The following CNKSR2 variants were observed in gnomAD, a reference collection of about 807,000 sequenced individuals.
The protein encoded by CNKSR2 is CNK homolog protein 2.
CNKSR2 carries 14 observed loss-of-function variants against 84.4 expected under a neutral mutation model. The ratio of observed to expected loss-of-function variants is 0.17; its 90% confidence interval spans 0.11 to 0.26. The LOEUF is 0.26. Ranked by LOEUF, CNKSR2 falls within the 10% of genes least tolerant of loss-of-function variation. The probability of loss-of-function intolerance (pLI) is 1.00; values close to 1 mark genes in which losing one functional copy is unlikely to be tolerated. For missense variants in CNKSR2, 485 were observed against 771.2 expected (o/e 0.63, Z 4.40); for synonymous variants, 275 against 277.9 (o/e 0.99, Z 0.10).
intron 20 of CNKSR2, among the ~76,000 whole-genome samples, chrX:21,612,208 G>A (rs1225119144): frequency 8.9e-6 from 1 of 112,210 alleles, no homozygotes; most frequent in African/African-American, 3.2e-5. Flanking sequence ...ACCATTAGGA[G>A]TAAGTACTCA....
At chrX:21,513,710 C>A (rs1311431397) in intron 8 of CNKSR2, among the ~76,000 whole-genome samples, 2 of 111,260 alleles carry the variant, frequency 1.8e-5, no homozygotes, top group Non-Finnish European at 3.8e-5. Context: ...AATTTATATT[C>A]TCTCTTGTCA....
chrX:21,514,016 C>T (rs2147091967), intron 8 of CNKSR2, among the ~76,000 whole-genome samples: 1 of 111,763 alleles, frequency 8.9e-6, no homozygotes, highest in African/African-American at 3.2e-5. Flanking sequence ...TATTGCAAGT[C>T]CTTACTCCCT....
At chrX:21,545,155 A>G (rs1407383024) in intron 11 of CNKSR2, among the ~76,000 whole-genome samples, 5 of 111,886 alleles carry the variant, frequency 4.5e-5, no homozygotes, top group Admixed American at 3.8e-4. Context: ...TCTCACTGCC[A>G]GCACGGCAGT....
At chrX:21,444,673 C>T (rs1444476790) in intron 4 of CNKSR2, among the ~76,000 whole-genome samples, 1 of 109,045 alleles carries the variant, frequency 9.2e-6, no homozygotes, top group Non-Finnish European at 1.9e-5. Context: ...GCTAGTTTCT[C>T]GCTCCACAGA....
At chrX:21,636,913 A>G (rs769108370) in intron 20 of CNKSR2, among the ~76,000 whole-genome samples, 1 of 111,604 alleles carries the variant, frequency 9.0e-6, no homozygotes, top group South Asian at 3.7e-4. Flanking sequence ...GACATTTGCA[A>G]TGACAGTATC....
intron 1 of CNKSR2, chrX:21,425,666 G>A (rs1167157350): frequency 9.0e-6 from 1 of 111,432 alleles, no homozygotes; most frequent in African/African-American, 3.3e-5. Flanking sequence ...TATTTTCTTG[G>A]TATTCTTTAC....
At chrX:21,463,438 GCAGTGAAGCCATTATGTCCC>G (rs1277962690) in intron 4 of CNKSR2, among the ~76,000 whole-genome samples, 4 of 111,143 alleles carry the variant, frequency 3.6e-5, no homozygotes, top group Non-Finnish European at 7.5e-5. Context: ...GTAGAATTCA[GCAGTGAAGCCATTATGTCCC>G]CAGCTTTCCT....
At chrX:21,440,900 A>C in intron 4 of CNKSR2, 119 bp downstream of exon 4, 1 of 400,601 alleles carries the variant, frequency 2.5e-6, no homozygotes, top group Non-Finnish European at 4.2e-6. Context: ...CTCAAAGACA[A>C]ACCATTCTAA....
rs2090965909 is a variant in CNKSR2, at chrX:21,453,865, A to G, written c.519+13084A>G. 4.5e-5 allele frequency among the ~76,000 whole-genome samples: 5 copies of G among 111,189 alleles called. No individual in the cohort carries two copies. The South Asian group carries it at 2.0e-3, about 44-fold the overall frequency. ...AAAGAGAGAGCAAGGGGGAGGTACT[A>G]CATACCTTTCAACAACCAGATCTCG... On this transcript the variant is annotated intron_variant, in intron 4 of 21. Coordinates refer to ENST00000379510, the MANE Select transcript of CNKSR2 (RefSeq NM_014927.5).
rs2092726088 is a variant in CNKSR2, at chrX:21,653,836, A to G, written c.*1315A>G. On this transcript the variant is annotated 3_prime_UTR_variant, in exon 22 of 22. Transcript: ENST00000379510. ...CAAGTCACAATTTGCTGTTTTTTTC[A>G]GGAGGAGAAAGGGAACCTCCTTTAC... 9.0e-6 allele frequency: 1 copy of G among 111,393 alleles called. No homozygotes were observed. Among genetic ancestry groups the G allele is most frequent in the African/African-American group, 3.3e-5 (1 of 30,683 alleles). The allele number at this position is 111,393 out of a possible 1,213,427, so 9.2% of individuals were successfully genotyped here.
chrX:21,638,844 G>C (rs974717984), intron 20 of CNKSR2, among the ~76,000 whole-genome samples: 1 of 111,199 alleles, frequency 9.0e-6, no homozygotes, highest in Non-Finnish European at 1.9e-5. Context: ...TGTTTTTTCT[G>C]CCTTCTATTG....
chrX:21,416,138 G>GT (rs905202407), intron 1 of CNKSR2, among the ~76,000 whole-genome samples: 1 of 111,263 alleles, frequency 9.0e-6, no homozygotes, highest in African/African-American at 3.3e-5. Context: ...TTTTTTGGGG[G>GT]TTTTTATCAT....
intron 20 of CNKSR2, among the ~76,000 whole-genome samples, chrX:21,627,220 C>T (rs7886452): frequency 0.052 from 5,762 of 110,575 alleles, 401 homozygotes; most frequent in African/African-American, 0.18. Context: ...AGGCCGGGCG[C>T]GGTGGCTCAC....
At chrX:21,446,795 A>G (rs2090862162) in intron 4 of CNKSR2, among the ~76,000 whole-genome samples, 1 of 111,815 alleles carries the variant, frequency 8.9e-6, no homozygotes, top group East Asian at 2.8e-4. Flanking sequence ...AGCAAATAGT[A>G]GATCCTATTT....
chrX:21,487,945 C>T (rs776185956), intron 5 of CNKSR2, among the ~76,000 whole-genome samples: 9 of 112,555 alleles, frequency 8.0e-5, no homozygotes, highest in Non-Finnish European at 1.9e-5. Flanking sequence ...CAAGTGTAGG[C>T]CCATGTGCAA....
chrX:21,641,681 A>C, intron 20 of CNKSR2: 1 of 1,107,411 alleles, frequency 9.0e-7, no homozygotes, highest in East Asian at 3.4e-5. Context: ...ACTCAACATC[A>C]ACCTCTTGCA....
At chrX:21,385,274 G>T (rs2089952294) in intron 1 of CNKSR2, among the ~76,000 whole-genome samples, 1 of 111,088 alleles carries the variant, frequency 9.0e-6, no homozygotes, top group African/African-American at 3.3e-5. Context: ...TATAAAATGG[G>T]GATGCTGGTA....
At chrX:21,441,562 A>G (rs1302043835) in intron 4 of CNKSR2, among the ~76,000 whole-genome samples, 1 of 112,011 alleles carries the variant, frequency 8.9e-6, no homozygotes, top group Admixed American at 9.5e-5. Context: ...TACCTCTTTA[A>G]GTTTGCCAAA....
chrX:21,606,597 A>C (rs2092518431), intron 18 of CNKSR2, 182 bp from the exon 19 acceptor site: 1 of 352,505 alleles, frequency 2.8e-6, no homozygotes, highest in Admixed American at 5.4e-5. Context: ...TTGTACACTT[A>C]CTTTCTCCTC....
Sources: gnomAD v4.1 joint callset for allele counts (sites outside exome capture counted in the v4.1 genomes callset) on GRCh38, gnomAD v4.1.1 for gene constraint, MANE v1.5 for transcripts, NCBI Gene and HGNC (gene_info 2026-07-23, HGNC 2026-07-21) for gene names.